Variants in PBX1 observed in about 807,000 individuals in gnomAD.
PBX1 encodes the protein PBX homeobox 1, also known as pre-B-cell leukemia transcription factor 1.
In PBX1, 6 loss-of-function variants were observed where a neutral mutation model predicts 53.4. That is an observed-to-expected ratio of 0.11 (90% CI 0.06 to 0.22). The LOEUF (loss-of-function observed/expected upper bound fraction) is 0.22, where lower values mean the gene tolerates loss of function less well. Among genes scored for constraint, PBX1 ranks in the 10% least tolerant of loss-of-function variants. The probability of loss-of-function intolerance (pLI) is 1.00; values close to 1 mark genes in which losing one functional copy is unlikely to be tolerated. For missense variants in PBX1, 251 were observed against 551.4 expected, an observed-to-expected ratio of 0.46 and a Z score of 5.46; for synonymous variants, 204 against 212.3, an observed-to-expected ratio of 0.96 and a Z score of 0.34.
chr1:164,859,801 G>A (rs1189469880), intron 2 of PBX1, among the ~76,000 whole-genome samples: 1 of 152,134 alleles, frequency 6.6e-6, no homozygotes, highest in African/African-American at 2.4e-5. Flanking sequence ...TGGAAATACT[G>A]GCTCAATATG....
intron 2 of PBX1, among the ~76,000 whole-genome samples, chr1:164,775,117 G>A (rs546305263): frequency 1.6e-4 from 24 of 152,288 alleles, no homozygotes; most frequent in Admixed American, 5.2e-4. Flanking sequence ...GATCTGGGAG[G>A]GGTGAGAAGT....
intron 2 of PBX1, among the ~76,000 whole-genome samples, chr1:164,750,560 A>T (rs969590398): frequency 2.6e-5 from 4 of 152,216 alleles, no homozygotes; most frequent in African/African-American, 7.2e-5. Context: ...AATGAAATTT[A>T]TCTGAAACAT....
intron 2 of PBX1, among the ~76,000 whole-genome samples, chr1:164,687,084 G>A (rs1010727263): frequency 6.6e-5 from 10 of 152,222 alleles, no homozygotes; most frequent in Non-Finnish European, 1.0e-4. Context: ...ATGGGCACCA[G>A]CAAGTCAGGG....
intron 2 of PBX1, among the ~76,000 whole-genome samples, chr1:164,701,240 T>C (rs924520286): frequency 7.9e-5 from 12 of 152,218 alleles, no homozygotes; most frequent in African/African-American, 2.9e-4. Context: ...TAGTACTTTC[T>C]TGTTGATCTG....
At position 164,821,567 on chromosome 1, in the gene PBX1, A is replaced by C; in HGVS notation, c.1141A>C (p.Thr381Pro). 6.2e-7 allele frequency: 1 copy of C among 1,614,038 alleles called. No individual in the cohort carries two copies. Among genetic ancestry groups the C allele is most frequent in the Non-Finnish European group, 8.5e-7 (1 of 1,179,954 alleles). Residue 381 changes from threonine (T) to proline (P), a missense_variant, in exon 8 of 9, where the codon ACA becomes CCA. Around this residue, in one of 4 missense-constraint regions of PBX1, gnomAD observed 92 missense variants for 130.4 expected, o/e 0.71. Coordinates refer to ENST00000420696, the MANE Select transcript of PBX1 (RefSeq NM_002585.4). ...VDTLRHVISQTGGYSDGLAAS... is the reference protein window; with the variant it reads ...VDTLRHVISQPGGYSDGLAAS... ...TACCCTTCGCCATGTTATCAGCCAG[A>C]CAGGAGGATACAGTGATGGACTCGC...
intron 2 of PBX1, among the ~76,000 whole-genome samples, chr1:164,881,967 G>C (rs1217625060): frequency 4.6e-5 from 7 of 152,156 alleles, no homozygotes; most frequent in Non-Finnish European, 8.8e-5. Flanking sequence ...TCACCAAGCT[G>C]TCCTGGTTTC....
chr1:164,869,875 G>A (rs575219633), intron 2 of PBX1, among the ~76,000 whole-genome samples: 1 of 152,172 alleles, frequency 6.6e-6, no homozygotes, highest in Non-Finnish European at 1.5e-5. Context: ...AAGCCAGGCA[G>A]AGTATACAGC....
At chr1:164,876,005 TAC>T (rs57809969) in intron 2 of PBX1, among the ~76,000 whole-genome samples, 10 of 56,840 alleles carry the variant, frequency 1.8e-4, no homozygotes, top group Admixed American at 3.1e-4. Flanking sequence ...TATATATATA[TAC>T]ACACATACAC....
intron 2 of PBX1, among the ~76,000 whole-genome samples, chr1:164,712,503 G>C (rs531066022): frequency 6.6e-6 from 1 of 152,316 alleles, no homozygotes; most frequent in East Asian, 1.9e-4. Flanking sequence ...GAGCCCAATC[G>C]AGTGGTACAC....
chr1:164,564,835 AT>A (rs1055644986), intron 2 of PBX1, among the ~76,000 whole-genome samples: 2 of 151,382 alleles, frequency 1.3e-5, no homozygotes, highest in Non-Finnish European at 2.9e-5. Context: ...ATTTATATAT[AT>A]TTTTTTATCT....
intron 2 of PBX1, among the ~76,000 whole-genome samples, chr1:164,782,222 G>C (rs1045957653): frequency 5.9e-5 from 9 of 152,162 alleles, no homozygotes; most frequent in Non-Finnish European, 1.3e-4. Flanking sequence ...CTGCAGAAGG[G>C]ATGGAGTGAT....
chr1:164,574,898 C>G (rs1352046146), intron 2 of PBX1, among the ~76,000 whole-genome samples: 3 of 152,078 alleles, frequency 2.0e-5, no homozygotes, highest in Non-Finnish European at 2.9e-5. Flanking sequence ...AGGAGAATTT[C>G]TTGAACCCGG....
At chr1:164,564,571 G>C (rs1263170305) in intron 2 of PBX1, among the ~76,000 whole-genome samples, 1 of 152,072 alleles carries the variant, frequency 6.6e-6, no homozygotes, top group Non-Finnish European at 1.5e-5. Flanking sequence ...AATGTTATTT[G>C]TGTTGTGCAT....
intron 2 of PBX1, among the ~76,000 whole-genome samples, chr1:164,645,971 G>A (rs999296643): frequency 1.3e-5 from 2 of 152,190 alleles, no homozygotes; most frequent in African/African-American, 4.8e-5. Context: ...CTGTGGGCAA[G>A]TCACCTCATC....
At chr1:164,824,628 C>T (rs1442687988) in intron 8 of PBX1, among the ~76,000 whole-genome samples, 2 of 151,930 alleles carry the variant, frequency 1.3e-5, no homozygotes, top group Non-Finnish European at 2.9e-5. Context: ...GAAAGGTGTG[C>T]TTTTGAGATG....
chr1:164,852,396 CAT>C (rs1671878624), downstream of PBX1, among the ~76,000 whole-genome samples: 1 of 152,330 alleles, frequency 6.6e-6, no homozygotes, highest in South Asian at 2.1e-4. Flanking sequence ...AGTCTGCACT[CAT>C]ATTGAACCCC....
At chr1:164,722,780 A>T (rs1184150434) in intron 2 of PBX1, among the ~76,000 whole-genome samples, 10 of 151,020 alleles carry the variant, frequency 6.6e-5, no homozygotes, top group Non-Finnish European at 8.9e-5. Flanking sequence ...GAAGAAGGGT[A>T]TGAACTTCAC....
intron 2 of PBX1, among the ~76,000 whole-genome samples, chr1:164,747,346 CAT>C (rs1665949613): frequency 6.6e-6 from 1 of 151,808 alleles, no homozygotes; most frequent in East Asian, 1.9e-4. Flanking sequence ...CACACACACA[CAT>C]ATGTATGTAT....
intron 2 of PBX1, among the ~76,000 whole-genome samples, chr1:164,620,118 A>G (rs1386641769): frequency 6.6e-6 from 1 of 152,170 alleles, no homozygotes; most frequent in Non-Finnish European, 1.5e-5. Flanking sequence ...ACTTGAGCCC[A>G]GGGAGGTCAA....
Sources: gnomAD v4.1 joint callset for allele counts (sites outside exome capture counted in the v4.1 genomes callset) on GRCh38, gnomAD v4.1.1 for gene constraint, gnomAD v4.1.1 regional missense constraint, MANE v1.5 for transcripts, NCBI Gene and HGNC (gene_info 2026-07-23, HGNC 2026-07-21) for gene names.